DZANK1: variants seen among roughly 807,000 people sequenced by gnomAD.
DZANK1 encodes the protein double zinc ribbon and ankyrin repeat domains 1.
DZANK1 carries 91 observed loss-of-function variants against 94.5 expected under a neutral mutation model. That is an observed-to-expected ratio of 0.96 (90% confidence interval 0.81 to 1.15). The LOEUF (loss-of-function observed/expected upper bound fraction) is 1.15. Ranked by LOEUF, DZANK1 falls within the 50% of genes most tolerant of loss-of-function variation. The pLI is 0.00. For missense variants in DZANK1, 903 were observed against 916.4 expected (o/e 0.99, Z 0.19); for synonymous variants, 312 against 325.3 (o/e 0.96, Z 0.44).
intron 15 of DZANK1, among the ~76,000 whole-genome samples, 160 bp downstream of exon 15, chr20:18,396,312 A>C (rs2056339354): frequency 2.0e-5 from 3 of 152,236 alleles, no homozygotes; most frequent in Non-Finnish European, 4.4e-5. Flanking sequence ...TCTGAGGTTT[A>C]ACTTGTTTAT....
At chr20:18,454,115 G>C in intron 4 of DZANK1, 3 of 469,542 alleles carry the variant, frequency 6.4e-6, no homozygotes, top group Non-Finnish European at 1.2e-5. Context: ...TGGGAGTCTG[G>C]GTAACAACAG....
exon 21 of DZANK1, chr20:18,384,516 G>A (rs575090908): frequency 7.4e-6 from 12 of 1,610,942 alleles, no homozygotes; most frequent in African/African-American, 4.0e-5. Context: ...GAGCCAGGTC[G>A]TATGCTGTCT....
At chr20:18,427,606 G>GGGGGGTGT (rs112783791) in intron 9 of DZANK1, among the ~76,000 whole-genome samples, 3 of 148,788 alleles carry the variant, frequency 2.0e-5, no homozygotes, top group African/African-American at 7.4e-5. Context: ...TGTAAGGTTG[G>GGGGGGTGT]GTGTGTGTGT....
intron 12 of DZANK1, among the ~76,000 whole-genome samples, chr20:18,413,657 G>A (rs1418298115): frequency 6.6e-6 from 1 of 152,142 alleles, no homozygotes; most frequent in African/African-American, 2.4e-5. Context: ...GCACGGGCCT[G>A]TAATCCTAGC....
chr20:18,415,325 A>G lies in DZANK1; in HGVS notation c.1077+2T>C, dbSNP rs759825517. 7 of 1,543,476 alleles carry G rather than the reference A, an allele frequency of 4.5e-6. No homozygotes were observed. In the Admixed American group the frequency reaches 7.8e-5, roughly 17 times the overall value. On this transcript the variant is annotated splice_donor_variant, in intron 11 of 20. Coordinates refer to ENST00000262547, the Ensembl canonical transcript of DZANK1. LOFTEE classifies it high-confidence loss of function. Reference sequence around the variant, plus strand: ...ACAGAATCTCAGTTTTAAAATACCCACCATGGCTCCACACCAGCCGCAGAA... The same window carrying G: ...ACAGAATCTCAGTTTTAAAATACCCGCCATGGCTCCACACCAGCCGCAGAA...
chr20:18,433,571 C>T, intron 9 of DZANK1, 81 bp downstream of exon 9: 2 of 1,332,848 alleles, frequency 1.5e-6, no homozygotes, highest in Admixed American at 2.0e-5. Flanking sequence ...TACCCCATCC[C>T]ACTAGCTGAA....
chr20:18,412,550 A>T, intron 13 of DZANK1, 96 bp downstream of exon 13: 1 of 1,266,480 alleles, frequency 7.9e-7, no homozygotes, highest in Non-Finnish European at 1.1e-6. Flanking sequence ...CTTCTTACAC[A>T]TACAAATAAA....
intron 15 of DZANK1, chr20:18,394,579 C>T: frequency 1.5e-6 from 1 of 683,062 alleles, no homozygotes. Context: ...CCTCTCCCTC[C>T]CTGAAGCCCC....
chr20:18,439,857 C>T (rs1207908678), intron 8 of DZANK1, among the ~76,000 whole-genome samples: 1 of 152,168 alleles, frequency 6.6e-6, no homozygotes, highest in Non-Finnish European at 1.5e-5. Context: ...ATTCCCTGCT[C>T]CACATGATGC....
intron 2 of DZANK1, among the ~76,000 whole-genome samples, chr20:18,463,514 A>G (rs2059544194): frequency 6.6e-6 from 1 of 152,192 alleles, no homozygotes; most frequent in African/African-American, 2.4e-5. Context: ...AAAAAACAAA[A>G]AAAAGGTCTT....
At chr20:18,451,392 A>T (rs1380025952) in intron 6 of DZANK1, among the ~76,000 whole-genome samples, 2 of 152,156 alleles carry the variant, frequency 1.3e-5, no homozygotes, top group African/African-American at 4.8e-5. Flanking sequence ...CTTGGTTTCC[A>T]TGGCAACATA....
At chr20:18,460,728 CAA>C (rs751139958) in intron 2 of DZANK1, among the ~76,000 whole-genome samples, 8 of 118,314 alleles carry the variant, frequency 6.8e-5, no homozygotes, top group Admixed American at 1.7e-4. Context: ...GACTCCGTCT[CAA>C]AAAAAAAAAA....
At chr20:18,393,172 T>G (rs182048273) in intron 17 of DZANK1, among the ~76,000 whole-genome samples, 225 of 152,192 alleles carry the variant, frequency 1.5e-3, no homozygotes, top group African/African-American at 4.9e-3. Flanking sequence ...GAAAAAAGCT[T>G]CATCCCAAGC....
intron 15 of DZANK1, 78 bp downstream of exon 15, chr20:18,396,391 TACA>T: frequency 2.5e-6 from 3 of 1,192,820 alleles, no homozygotes; most frequent in Non-Finnish European, 3.7e-6. Context: ...TTCTATGGAT[TACA>T]CAGAAGCATT....
intron 12 of DZANK1, 76 bp from the exon 13 acceptor site, chr20:18,412,929 A>G: frequency 7.7e-7 from 1 of 1,307,174 alleles, no homozygotes; most frequent in South Asian, 1.4e-5. Flanking sequence ...ATAGAAAACA[A>G]CTCTAATCAG....
chr20:18,431,507 A>G (rs914155442), intron 9 of DZANK1, among the ~76,000 whole-genome samples: 9 of 152,226 alleles, frequency 5.9e-5, no homozygotes, highest in Non-Finnish European at 1.2e-4. Flanking sequence ...CTGGGTGAGA[A>G]TGTTATCTCA....
chr20:18,453,867 C>A, intron 4 of DZANK1, 40 bp from the exon 5 acceptor site: 3 of 1,199,010 alleles, frequency 2.5e-6, no homozygotes, highest in Non-Finnish European at 3.7e-6. Flanking sequence ...CTTGGTTATT[C>A]CCATGTGAGA....
At chr20:18,461,346 A>T (rs529661301) in intron 2 of DZANK1, among the ~76,000 whole-genome samples, 5 of 152,170 alleles carry the variant, frequency 3.3e-5, no homozygotes, top group Admixed American at 2.6e-4. Flanking sequence ...ATAAATTTAA[A>T]TTTTTTTAAA....
exon 11 of DZANK1, chr20:18,415,329 T>C: frequency 6.5e-7 from 1 of 1,549,654 alleles, no homozygotes; most frequent in South Asian, 1.2e-5. Flanking sequence ...ATACCCACCA[T>C]GGCTCCACAC....
Sources: allele counts gnomAD v4.1 joint callset (sites outside exome capture counted in the v4.1 genomes callset), GRCh38; gene constraint gnomAD v4.1.1; transcripts MANE v1.5; gene names NCBI Gene and HGNC (gene_info 2026-07-23, HGNC 2026-07-21).